Variants in FOXP1 observed in about 807,000 individuals in gnomAD.
FOXP1 encodes the protein forkhead box P1.
FOXP1 carries 15 observed loss-of-function variants against 98.2 expected under a neutral mutation model. The observed-to-expected ratio is 0.15, with a 90% CI of 0.10 to 0.24. The LOEUF is 0.24. Ranked by LOEUF, FOXP1 falls within the 10% of genes least tolerant of loss-of-function variation. FOXP1 has a pLI of 1.00. For missense variants in FOXP1, 633 were observed against 848.5 expected, an observed-to-expected ratio of 0.75 and a Z score of 3.15; for synonymous variants, 371 against 314.5, an observed-to-expected ratio of 1.18 and a Z score of -1.90.
chr3:71,247,790 A>G (rs1694965546), intron 5 of FOXP1, among the ~76,000 whole-genome samples: 1 of 152,180 alleles, frequency 6.6e-6, no homozygotes, highest in Non-Finnish European at 1.5e-5. Flanking sequence ...CAGAGGGTGG[A>G]GCCATAACCC....
At chr3:71,404,713 A>C (rs544109270) in intron 3 of FOXP1, among the ~76,000 whole-genome samples, 1 of 152,228 alleles carries the variant, frequency 6.6e-6, no homozygotes, top group Non-Finnish European at 1.5e-5. Flanking sequence ...GTGCAGGCAA[A>C]TTAATTGTAT....
intron 2 of FOXP1, among the ~76,000 whole-genome samples, chr3:71,540,386 G>A (rs1158741879): frequency 1.3e-5 from 2 of 152,236 alleles, no homozygotes; most frequent in East Asian, 3.8e-4. Context: ...AAGAAAGAGT[G>A]AAGGGGGGAC....
At chr3:71,315,410 A>G (rs915488769) in intron 4 of FOXP1, among the ~76,000 whole-genome samples, 5 of 152,218 alleles carry the variant, frequency 3.3e-5, no homozygotes, top group Admixed American at 2.6e-4. Flanking sequence ...ATAAAAAAAA[A>G]GACAAGGATG....
chr3:71,550,759 C>T (rs1247717964), intron 2 of FOXP1, among the ~76,000 whole-genome samples: 5 of 152,128 alleles, frequency 3.3e-5, no homozygotes, highest in Non-Finnish European at 5.9e-5. Flanking sequence ...CTCATATATT[C>T]GGGTAAAAAA....
intron 5 of FOXP1, among the ~76,000 whole-genome samples, chr3:71,204,543 C>T (rs1020084379): frequency 1.3e-5 from 2 of 152,158 alleles, no homozygotes; most frequent in Non-Finnish European, 2.9e-5. Context: ...GGAGACATCA[C>T]ATTTGCTAGC....
chr3:71,537,559 G>A (rs1178677440), intron 2 of FOXP1, among the ~76,000 whole-genome samples: 1 of 152,198 alleles, frequency 6.6e-6, no homozygotes, highest in Admixed American at 6.5e-5. Flanking sequence ...ACCCAGATGG[G>A]TCAGACAGAA....
At position 70,955,938 on chromosome 3, in the gene FOXP1, AAGTT is replaced by A. The variant is rs1313573287; in HGVS notation, c.*3305_*3308del. On this transcript the variant is annotated 3_prime_UTR_variant, in exon 21 of 21. Transcript: ENST00000649528. ...GTTACAGTTTAAAAGCAGAAAAAAA[AAGTT>A]AGGGAGTTTCTCCCTCCCACATGTC... 1.1e-4 allele frequency: 25 copies of A among 233,178 alleles called. No homozygotes were observed. The highest frequency in any genetic ancestry group is 4.8e-4 in the East Asian group (8 of 16,604). 14.4% of individuals were successfully genotyped at this position (233,178 alleles called of 1,614,324 possible).
At chr3:70,978,638 C>T (rs1040213282) in intron 14 of FOXP1, among the ~76,000 whole-genome samples, 13 of 152,194 alleles carry the variant, frequency 8.5e-5, no homozygotes, top group Non-Finnish European at 1.3e-4. Context: ...CATGCAGCTT[C>T]GTGGATGACG....
chr3:71,393,625 T>C (rs746381333), intron 3 of FOXP1, among the ~76,000 whole-genome samples: 1 of 152,232 alleles, frequency 6.6e-6, no homozygotes, highest in Non-Finnish European at 1.5e-5. Flanking sequence ...GCACCATTGC[T>C]AGTAAATGTT....
chr3:71,498,649 T>A (rs910307808), intron 2 of FOXP1, among the ~76,000 whole-genome samples: 5 of 152,110 alleles, frequency 3.3e-5, no homozygotes, highest in African/African-American at 1.2e-4. Flanking sequence ...GACAACATGC[T>A]CATCACGGGC....
rs114879575 is a variant in FOXP1, at chr3:71,314,028, T to C, written c.-72-14148A>G. ...GCCTAAGCTCTCTGTCCCTCAGTGTTCTCATCCATAAAATGGGCTTCATTA... is the reference window on the plus strand; with the variant it reads ...GCCTAAGCTCTCTGTCCCTCAGTGTCCTCATCCATAAAATGGGCTTCATTA... On this transcript the variant is annotated intron_variant, in intron 4 of 20. Transcript: ENST00000649528. Among the ~76,000 whole-genome samples the C allele has an allele frequency of 7.3e-3, 1,118 of 152,314 alleles. 30 individuals carry two copies. Among genetic ancestry groups the C allele is most frequent in the Non-Finnish European group, 4.7e-3 (318 of 68,030 alleles).
chr3:71,053,653 CCTGCTG>C lies in FOXP1; in HGVS notation c.397_402del (p.Gln133_Gln134del). On this transcript the variant is annotated inframe_deletion, in exon 8 of 21. Coordinates refer to ENST00000649528, the MANE Select transcript of FOXP1 (RefSeq NM_001349338.3). Reference sequence around the variant, plus strand: ...ACAATTACCTGTTGAAGCATGAGGGCCTGCTGCTGCTGGAGGAGAACCTGGAGCTGC... The same window carrying C: ...ACAATTACCTGTTGAAGCATGAGGGCCTGCTGGAGGAGAACCTGGAGCTGC... The C allele has an allele frequency of 6.2e-7, 1 of 1,614,042 alleles. No homozygotes were observed. The highest frequency in any genetic ancestry group is 8.5e-7 in the Non-Finnish European group (1 of 1,180,004).
At chr3:71,339,077 A>G (rs760907566) in intron 4 of FOXP1, among the ~76,000 whole-genome samples, 33 of 152,372 alleles carry the variant, frequency 2.2e-4, no homozygotes, top group Middle Eastern at 3.4e-3. Flanking sequence ...GTGTCTGGAT[A>G]TGATCCAAAT....
chr3:71,286,295 TAG>T (rs909493572), intron 5 of FOXP1, among the ~76,000 whole-genome samples: 3 of 150,972 alleles, frequency 2.0e-5, no homozygotes, highest in African/African-American at 7.4e-5. Flanking sequence ...TACCACCATG[TAG>T]AGTGTCCCCC....
intron 3 of FOXP1, among the ~76,000 whole-genome samples, chr3:71,401,627 C>A (rs946822756): frequency 1.3e-5 from 2 of 152,146 alleles, no homozygotes; most frequent in South Asian, 2.1e-4. Flanking sequence ...AAAAGGGATG[C>A]GGGAGAGAGC....
chr3:71,342,199 T>C (rs2077048321), intron 4 of FOXP1, among the ~76,000 whole-genome samples: 1 of 152,234 alleles, frequency 6.6e-6, no homozygotes, highest in Admixed American at 6.5e-5. Flanking sequence ...ATTTTACAAA[T>C]CATTTCATAA....
rs184001501 is a variant in FOXP1 at position 71,208,823 on chromosome 3, G to C, written c.-11-10431C>G. On this transcript the variant is annotated intron_variant, in intron 5 of 20. Transcript: ENST00000649528. ...AGGCCACTCTTTGAGAATCAAGGTCGAGGTAAATGCATTACAGAGTAAACA... is the reference window on the plus strand; with the variant it reads ...AGGCCACTCTTTGAGAATCAAGGTCCAGGTAAATGCATTACAGAGTAAACA... 1.1e-3 allele frequency among the ~76,000 whole-genome samples: 170 copies of C among 152,250 alleles called. 2 individuals are homozygous for C. The highest frequency in any genetic ancestry group is 2.4e-4 in the Non-Finnish European group (16 of 68,022).
chr3:71,396,652 T>C (rs183265652), intron 3 of FOXP1, among the ~76,000 whole-genome samples: 5 of 151,176 alleles, frequency 3.3e-5, no homozygotes, highest in Non-Finnish European at 7.4e-5. Flanking sequence ...CTACATAATT[T>C]ATGGGGCCCG....
intron 2 of FOXP1, among the ~76,000 whole-genome samples, chr3:71,544,496 AAAGG>A (rs1326792010): frequency 6.6e-6 from 1 of 152,212 alleles, no homozygotes; most frequent in Non-Finnish European, 1.5e-5. Flanking sequence ...TTCAAAGAAA[AAAGG>A]AAGATGAGAA....
Sources: allele counts gnomAD v4.1 joint callset (sites outside exome capture counted in the v4.1 genomes callset), GRCh38; gene constraint gnomAD v4.1.1; transcripts MANE v1.5; gene names NCBI Gene and HGNC (gene_info 2026-07-23, HGNC 2026-07-21).